Variants in ZNF395 observed in about 807,000 individuals in gnomAD.
ZNF395 encodes the protein HD gene regulatory region-binding protein 2.
Under a neutral mutation model 57.7 loss-of-function variants are expected in ZNF395, and 20 were observed. That is an observed-to-expected ratio of 0.35 (90% CI 0.24 to 0.50). ZNF395 has a LOEUF of 0.50. ZNF395 is among the 20% of genes least tolerant of loss of function. The probability of loss-of-function intolerance (pLI) is 0.97; values close to 1 mark genes in which losing one functional copy is unlikely to be tolerated. For missense variants in ZNF395, 606 were observed against 671.2 expected (o/e 0.90, Z 1.07); for synonymous variants, 295 against 275.9 (o/e 1.07, Z -0.69).
At chr8:28,378,199 C>A (rs193169839) in intron 1 of ZNF395, among the ~76,000 whole-genome samples, 97 of 152,246 alleles carry the variant, frequency 6.4e-4, no homozygotes, top group Middle Eastern at 3.4e-3. Context: ...AAACTGAGTT[C>A]TGACCCAACT....
chr8:28,369,611 G>A (rs1182110835), intron 1 of ZNF395, among the ~76,000 whole-genome samples: 3 of 152,210 alleles, frequency 2.0e-5, no homozygotes, highest in Non-Finnish European at 4.4e-5. Context: ...CTCACTTTCG[G>A]TACCGGGTCT....
intron 1 of ZNF395, among the ~76,000 whole-genome samples, chr8:28,382,828 C>T (rs1021070016): frequency 1.3e-5 from 2 of 152,004 alleles, no homozygotes; most frequent in Admixed American, 1.3e-4. Context: ...CATTAGAGAA[C>T]GATTAGATCA....
At position 28,356,018 on chromosome 8, in the gene ZNF395, T is replaced by C. The variant is rs1052576367; in HGVS notation, c.583+652A>G. ...GGGTAGGCCAGCCCTGCCATGAATT[T>C]CCCAAAAAACTTCAGGTTCACTACC... On this transcript the variant is annotated intron_variant, in intron 4 of 9. Coordinates refer to ENST00000344423, the MANE Select transcript of ZNF395 (RefSeq NM_018660.3). This position sits in a 1 kb window ranked among gnomAD's most constrained non-coding sequence, Gnocchi z 4.0. 7.9e-5 allele frequency among the ~76,000 whole-genome samples: 12 copies of C among 152,296 alleles called. No homozygotes were observed. The highest frequency in any genetic ancestry group is 2.6e-4 in the African/African-American group (11 of 41,564).
intron 1 of ZNF395, among the ~76,000 whole-genome samples, chr8:28,364,861 G>C (rs17059025): frequency 0.11 from 17,015 of 152,108 alleles, 3,052 homozygotes; most frequent in African/African-American, 0.38. Context: ...TCTCCACTTG[G>C]ATCTTGGCCT....
At chr8:28,350,191 C>G (rs760518087) in intron 7 of ZNF395, 35 bp from the exon 8 acceptor site, 1 of 1,558,088 alleles carries the variant, frequency 6.4e-7, no homozygotes, top group South Asian at 1.2e-5. Flanking sequence ...CGGATTCTAG[C>G]TCAGGAAGTG....
chr8:28,351,185 A>G (rs1801677660), intron 7 of ZNF395, among the ~76,000 whole-genome samples: 1 of 152,176 alleles, frequency 6.6e-6, no homozygotes, highest in Non-Finnish European at 1.5e-5. Context: ...TGGGAAGCCC[A>G]ACTACACGAC....
At chr8:28,366,099 T>C (rs1375506926) in intron 1 of ZNF395, among the ~76,000 whole-genome samples, 2 of 152,104 alleles carry the variant, frequency 1.3e-5, no homozygotes, top group Non-Finnish European at 2.9e-5. Flanking sequence ...ACTCGTGGGG[T>C]TTATTTTAAC....
rs535122654 is a variant in ZNF395 at position 28,359,603 on chromosome 8, A to G, written c.462T>C (p.Asp154=). 1 of 1,599,794 alleles carries G rather than the reference A, an allele frequency of 6.3e-7. No individual in the cohort carries two copies. Among genetic ancestry groups the G allele is most frequent in the Admixed American group, 1.7e-5 (1 of 58,632 alleles). The change falls in exon 3 of 10, where the codon GAT becomes GAC. Residue 154 remains aspartate (D), a synonymous_variant. Transcript: ENST00000344423. The surrounding 1 kb of genome is among the most constrained non-coding windows in gnomAD (Gnocchi z 4.7). The part of the protein sequence containing the change: ...LAYRPVSRNI[D]VPKRKSDAVE... ...TCTCCCACACAAACCTCTTTGGGACATCGATGTTCCTGGAGACGGGCCTGT... is the reference window on the plus strand; with the variant it reads ...TCTCCCACACAAACCTCTTTGGGACGTCGATGTTCCTGGAGACGGGCCTGT...
At chr8:28,365,098 C>G (rs1801895217) in intron 1 of ZNF395, among the ~76,000 whole-genome samples, 1 of 152,200 alleles carries the variant, frequency 6.6e-6, no homozygotes, top group African/African-American at 2.4e-5. Context: ...CAAATCTAGA[C>G]TAATCCAGGC....
intron 1 of ZNF395, among the ~76,000 whole-genome samples, chr8:28,367,576 C>T (rs188009866): frequency 6.6e-6 from 1 of 151,596 alleles, no homozygotes; most frequent in Non-Finnish European, 1.5e-5. Flanking sequence ...CACAGCTCTA[C>T]CCAGGAAAAA....
In ZNF395 at chr8:28,377,923, A is replaced by G. The variant is rs142150962; in HGVS notation, c.-59+8470T>C. On this transcript the variant is annotated intron_variant, in intron 1 of 9. Coordinates refer to ENST00000344423, the MANE Select transcript of ZNF395 (RefSeq NM_018660.3). ...CAGGCAAGCAACACTACGCCCAGCT[A>G]ATTTTTGTATTTTTAGTAGAGACGG... is the stretch of plus-strand genomic sequence containing the variant. 1.2e-3 allele frequency among the ~76,000 whole-genome samples: 175 copies of G among 151,628 alleles called. 1 individual carries two copies. The highest frequency in any genetic ancestry group is 4.0e-3 in the African/African-American group (165 of 41,304).
At position 28,359,370 on chromosome 8, in the gene ZNF395, C is replaced by T. The variant is rs1801819812; in HGVS notation, c.473+222G>A. On this transcript the variant is annotated intron_variant, in intron 3 of 9. Transcript: ENST00000344423. This position sits in a 1 kb window ranked among gnomAD's most constrained non-coding sequence, Gnocchi z 4.7. Reference sequence around the variant, plus strand: ...TGAGCCGAGATCATGCCACTGAACTCCAGCCTAGGTGAGAGAGTGAGACTC... The same window carrying T: ...TGAGCCGAGATCATGCCACTGAACTTCAGCCTAGGTGAGAGAGTGAGACTC... 2.0e-5 allele frequency among the ~76,000 whole-genome samples: 3 copies of T among 152,300 alleles called. No individual in the cohort carries two copies. Among genetic ancestry groups the T allele is most frequent in the Middle Eastern group, 3.4e-3 (1 of 294 alleles).
At chr8:28,380,824 T>C (rs1585866643) in intron 1 of ZNF395, among the ~76,000 whole-genome samples, 1 of 152,368 alleles carries the variant, frequency 6.6e-6, no homozygotes, top group East Asian at 1.9e-4. Flanking sequence ...TGCACTTCAG[T>C]TTCATTTTGT....
At position 28,346,667 on chromosome 8, in the gene ZNF395, C is replaced by A. The variant is rs1261130128; in HGVS notation, c.*2052G>T. 1 of 152,198 alleles carries A rather than the reference C, an allele frequency of 6.6e-6. No individual in the cohort carries two copies. The highest frequency in any genetic ancestry group is 1.5e-5 in the Non-Finnish European group (1 of 68,082). The allele number at this position is 152,198 out of a possible 1,614,324, so 9.4% of individuals were successfully genotyped here. On this transcript the variant is annotated 3_prime_UTR_variant, in exon 10 of 10. Transcript: ENST00000344423. ...AAACTGGGGGCGGGGGGAATTCAAACAGCTTTCTAAAGACGAGACGGCAGT... is the reference window on the plus strand; with the variant it reads ...AAACTGGGGGCGGGGGGAATTCAAAAAGCTTTCTAAAGACGAGACGGCAGT...
rs886874135 is a variant in ZNF395, at chr8:28,348,611, G to A, written c.*108C>T. ...CCTTAGCCAACAGAGCCCAAACTCCGTGTTTCCGTTCTTTCTCTTTCGGTT... is the reference window on the plus strand; with the variant it reads ...CCTTAGCCAACAGAGCCCAAACTCCATGTTTCCGTTCTTTCTCTTTCGGTT... On this transcript the variant is annotated 3_prime_UTR_variant, in exon 10 of 10. Transcript: ENST00000344423. The A allele has an allele frequency of 1.9e-5, 18 of 971,658 alleles. No individual in the cohort carries two copies. Among genetic ancestry groups the A allele is most frequent in the South Asian group, 6.7e-5 (5 of 75,060 alleles). 60.2% of individuals were successfully genotyped at this position (971,658 alleles called of 1,614,324 possible).
At chr8:28,380,640 T>C (rs1319946381) in intron 1 of ZNF395, among the ~76,000 whole-genome samples, 1 of 152,180 alleles carries the variant, frequency 6.6e-6, no homozygotes, top group Non-Finnish European at 1.5e-5. Flanking sequence ...ATAAGGACCA[T>C]CATACCTCAA....
At chr8:28,353,691 T>C (rs992778970) in intron 4 of ZNF395, among the ~76,000 whole-genome samples, 14 of 152,118 alleles carry the variant, frequency 9.2e-5, no homozygotes, top group Admixed American at 7.2e-4. Flanking sequence ...GGGGTCTTGC[T>C]ATGTTGCCCA....
chr8:28,348,818 C>A lies in ZNF395; in HGVS notation c.1443G>T (p.Gly481=), dbSNP rs776978082. The stretch of plus-strand genomic sequence containing the variant: ...ACACCTTGCGGCACTTCTTAGCCTC[C>A]CCTCGGGCTTTCCTGCAGAAAGAGA... ...RAQSGARKAR[G]EAKKCRKVYG... The change falls in exon 10 of 10, where the codon GGG becomes GGT. Residue 481 remains glycine, a synonymous_variant. Coordinates refer to ENST00000344423, the MANE Select transcript of ZNF395 (RefSeq NM_018660.3). 10 of 1,613,944 alleles carry A rather than the reference C, an allele frequency of 6.2e-6. No individual in the cohort carries two copies. Among genetic ancestry groups the A allele is most frequent in the Admixed American group, 3.3e-5 (2 of 60,000 alleles).
At chr8:28,373,855 G>A (rs910054830) in intron 1 of ZNF395, among the ~76,000 whole-genome samples, 4 of 152,126 alleles carry the variant, frequency 2.6e-5, no homozygotes, top group Admixed American at 1.3e-4. Flanking sequence ...CTTAATGTCT[G>A]AGCACAGGGC....
Sources: gnomAD v4.1 joint callset for allele counts (sites outside exome capture counted in the v4.1 genomes callset) on GRCh38, gnomAD v4.1.1 for gene constraint, Gnocchi (gnomAD v3.1) non-coding constraint, MANE v1.5 for transcripts, NCBI Gene and HGNC (gene_info 2026-07-23, HGNC 2026-07-21) for gene names.